The following PIGQ variants were observed in gnomAD, a reference collection of about 807,000 sequenced individuals.
PIGQ encodes phosphatidylinositol N-acetylglucosaminyltransferase subunit Q.
PIGQ carries 54 observed loss-of-function variants against 60.3 expected under a neutral mutation model. The ratio of observed to expected loss-of-function variants is 0.90; its 90% confidence interval spans 0.72 to 1.12. The LOEUF (loss-of-function observed/expected upper bound fraction) is 1.12, where lower values mean the gene tolerates loss of function less well. Among genes scored for constraint, PIGQ ranks in the 50% most tolerant of loss-of-function variants. PIGQ has a pLI of 0.00. For synonymous variants in PIGQ, 416 were observed against 363.7 expected (o/e 1.14, Z -1.64); for missense variants, 799 against 793.5 (o/e 1.01, Z -0.08).
chr16:578,745 G>A (rs1233928113), intron 5 of PIGQ, 40 bp from the exon 6 acceptor site: 1 of 1,601,534 alleles, frequency 6.2e-7, no homozygotes, highest in Admixed American at 1.7e-5. Context: ...CCGAGGGCTG[G>A]GGTCTGAGCG....
At position 581,095 on chromosome 16, in the gene PIGQ, GC is replaced by G. The variant is rs2035802928; in HGVS notation, c.1531+124del. ...CCAGCCTGGAAGCCGTGGTATGCATGCGCAAGCGGGCAGGGAGGACAGGGCC... is the reference window on the plus strand; with the variant it reads ...CCAGCCTGGAAGCCGTGGTATGCATGGCAAGCGGGCAGGGAGGACAGGGCC... On this transcript the variant is annotated intron_variant, in intron 9 of 10. Transcript: ENST00000321878. 13 of 1,375,744 alleles carry G rather than the reference GC, an allele frequency of 9.4e-6. No individual in the cohort carries two copies. In the South Asian group the frequency reaches 1.3e-4, roughly 13 times the overall value. 85.2% of individuals were successfully genotyped at this position (1,375,744 alleles called of 1,614,324 possible).
rs749848384 is a variant in PIGQ at position 580,936 on chromosome 16, C to T, written c.1495C>T (p.Leu499=). 1.9e-6 allele frequency: 3 copies of T among 1,610,972 alleles called. No individual in the cohort carries two copies. The East Asian group carries it at 6.7e-5, about 36-fold the overall frequency. ...CATCAACTCCCTGCCGCTGTACTCACTGGGTCTTCGGCTCTGCCGGCCCTA... is the reference window on the plus strand; with the variant it reads ...CATCAACTCCCTGCCGCTGTACTCATTGGGTCTTCGGCTCTGCCGGCCCTA... The part of the protein sequence containing the change: ...DLINSLPLYS[L]GLRLCRPYRL... The change falls in exon 9 of 11, where the codon CTG becomes TTG. Residue 499 remains leucine, a synonymous_variant. Coordinates refer to ENST00000321878, the MANE Select transcript of PIGQ (RefSeq NM_004204.5).
At position 578,888 on chromosome 16, in the gene PIGQ, T is replaced by C. The variant is rs772434140; in HGVS notation, c.1173T>C (p.Ile391=). ...LTVALSLLSD[I]IALLTFHIYC... ...TGGCCCTGTCCCTCCTCTCGGACAT[T>C]ATCGCCCTCCTCACCTTCCACATCT... Residue 391 remains isoleucine, a synonymous_variant, in exon 6 of 11, where the codon ATT becomes ATC. Transcript: ENST00000321878. 6.2e-7 allele frequency: 1 copy of C among 1,613,524 alleles called. No individual in the cohort carries two copies. Among genetic ancestry groups the C allele is most frequent in the Non-Finnish European group, 8.5e-7 (1 of 1,179,944 alleles).
intron 9 of PIGQ, chr16:581,261 C>T (rs1477015722): frequency 1.5e-6 from 2 of 1,374,802 alleles, no homozygotes; most frequent in Non-Finnish European, 1.9e-6. Flanking sequence ...ATTTTCTGGG[C>T]TTGGGAGTCT....
chr16:578,287 C>T (rs2035752075), intron 4 of PIGQ, 92 bp from the exon 5 acceptor site: 5 of 1,378,564 alleles, frequency 3.6e-6, no homozygotes, highest in Non-Finnish European at 3.9e-6. Flanking sequence ...GGAAGGCTGG[C>T]CAAGGTGGGA....
chr16:580,935 A>G lies in PIGQ; in HGVS notation c.1494A>G (p.Ser498=). 1 of 1,610,742 alleles carries G rather than the reference A, an allele frequency of 6.2e-7. No individual in the cohort carries two copies. The highest frequency in any genetic ancestry group is 1.7e-5 in the Admixed American group (1 of 60,020). ...TCATCAACTCCCTGCCGCTGTACTC[A>G]CTGGGTCTTCGGCTCTGCCGGCCCT... ...VDLINSLPLY[S]LGLRLCRPYR... is the part of the protein sequence containing the mutation. Residue 498 remains serine (S), a synonymous_variant, in exon 9 of 11, where the codon TCA becomes TCG. Coordinates refer to ENST00000321878, the MANE Select transcript of PIGQ (RefSeq NM_004204.5).
intron 9 of PIGQ, chr16:581,271 T>A: frequency 1.5e-6 from 2 of 1,359,754 alleles, no homozygotes; most frequent in Non-Finnish European, 1.9e-6. Flanking sequence ...CTTGGGAGTC[T>A]GAACTGCAGG....
At chr16:582,462 A>AC (rs779731879) in intron 10 of PIGQ, 153 bp downstream of exon 10, 99 of 605,160 alleles carry the variant, frequency 1.6e-4, no homozygotes, top group Admixed American at 3.8e-4. Flanking sequence ...CCCACGCGGG[A>AC]CCCCCTCCCC....
chr16:574,471 C>G lies in PIGQ; in HGVS notation c.397C>G (p.Gln133Glu). The G allele has an allele frequency of 6.2e-7, 1 of 1,610,564 alleles. No homozygotes were observed. Among genetic ancestry groups the G allele is most frequent in the Non-Finnish European group, 8.5e-7 (1 of 1,179,106 alleles). ...CCAGGTCATGCTCATCTTCTATGAC[C>G]AGCGCCAGGTGTTGCTGTCACAGCT... Reference protein sequence around the residue: ...EDQVMLIFYDQRQVLLSQLHL... With the variant: ...EDQVMLIFYDERQVLLSQLHL... Residue 133 changes from glutamine (Q) to glutamate (E), a missense_variant, in exon 2 of 11, where the codon CAG becomes GAG. Gln to Glu is a conservative substitution (Grantham distance 29). Transcript: ENST00000321878.
At chr16:578,966 G>A (rs769282876) in intron 6 of PIGQ, 28 bp downstream of exon 6, 32 of 1,397,716 alleles carry the variant, frequency 2.3e-5, no homozygotes, top group African/African-American at 1.1e-4. Flanking sequence ...CCTCCCCACC[G>A]CCCCCTGGGA....
intron 4 of PIGQ, 37 bp from the exon 5 acceptor site, chr16:578,342 C>T: frequency 3.2e-6 from 5 of 1,587,042 alleles, no homozygotes; most frequent in Non-Finnish European, 4.3e-6. Context: ...CTGAGCCTGG[C>T]TGCCCCCGCC....
chr16:579,016 G>GGGGGCGGGGGC (rs2035769512), intron 6 of PIGQ, 53 bp from the exon 7 acceptor site: 1 of 1,519,256 alleles, frequency 6.6e-7, no homozygotes, highest in African/African-American at 1.4e-5. Flanking sequence ...CGAGTGGGGC[G>GGGGGCGGGGGC]GGGGCGGGGC....
chr16:582,443 G>T, intron 10 of PIGQ, 134 bp downstream of exon 10: 1 of 673,902 alleles, frequency 1.5e-6, no homozygotes, highest in South Asian at 2.0e-5. Flanking sequence ...GTGGAGCTGA[G>T]GGGGAAGGCC....
At position 574,693 on chromosome 16, in the gene PIGQ, C is replaced by T. The variant is rs730882240; in HGVS notation, c.619C>T (p.Arg207Ter). The T allele has an allele frequency of 8.7e-6, 14 of 1,601,674 alleles. No homozygotes were observed. The highest frequency in any genetic ancestry group is 1.2e-5 in the Non-Finnish European group (14 of 1,178,008). The change falls in exon 2 of 11, where the codon CGA becomes TGA. Residue 207 changes from arginine (R) to a stop codon, truncating the protein, a stop_gained. Coordinates refer to ENST00000321878, the MANE Select transcript of PIGQ (RefSeq NM_004204.5). LOFTEE classifies it high-confidence loss of function. ...CAGCATCCTCGCGGAGCTGGCCAGG[C>T]GAGCCTCGGGACCCATTTGCCTGCT... ...EASILAELAR[R>*]ASGPICLLLA...
At chr16:581,350 C>T (rs1443355133) in intron 9 of PIGQ, 1 of 1,209,440 alleles carries the variant, frequency 8.3e-7, no homozygotes, top group Non-Finnish European at 1.1e-6. Context: ...CAGTAAGTGC[C>T]CCGTCCGCTG....
At position 583,153 on chromosome 16, in the gene PIGQ, C is replaced by T. The variant is rs200457195; in HGVS notation, c.*118C>T. ...GCTTTGTGGACGCTGCTGTGTGCTCCTGAACACGGCAGGCCCTGCTATCAC... is the reference window on the plus strand; with the variant it reads ...GCTTTGTGGACGCTGCTGTGTGCTCTTGAACACGGCAGGCCCTGCTATCAC... On this transcript the variant is annotated 3_prime_UTR_variant, in exon 11 of 11. Transcript: ENST00000321878. 3.0e-5 allele frequency: 48 copies of T among 1,613,320 alleles called. No individual in the cohort carries two copies. In the East Asian group the frequency reaches 1.0e-3, roughly 35 times the overall value.
chr16:576,840 C>T (rs746524703), intron 4 of PIGQ: 5 of 264,896 alleles, frequency 1.9e-5, no homozygotes, highest in Non-Finnish European at 3.5e-5. Flanking sequence ...TTCAGCTTCT[C>T]TGTCTTCCTC....
At position 571,669 on chromosome 16, in the gene PIGQ, C is replaced by T. The variant is rs553631099; in HGVS notation, c.-10+1573C>T. 2.0e-5 allele frequency among the ~76,000 whole-genome samples: 3 copies of T among 151,342 alleles called. No individual in the cohort carries two copies. In the South Asian group the frequency reaches 6.3e-4, roughly 32 times the overall value. ...TCTTTAAAGATGCTCACGTTGCTTT[C>T]TCCCGTCCCATACCTCCTCTGCTAT... On this transcript the variant is annotated intron_variant, in intron 1 of 10. Coordinates refer to ENST00000321878, the MANE Select transcript of PIGQ (RefSeq NM_004204.5).
intron 2 of PIGQ, among the ~76,000 whole-genome samples, chr16:575,147 C>T (rs1164096288): frequency 6.6e-6 from 1 of 152,196 alleles, no homozygotes. Context: ...CCTGCCTGTG[C>T]CCCCAGCAGG....
Sources: allele counts gnomAD v4.1 joint callset (sites outside exome capture counted in the v4.1 genomes callset), GRCh38; gene constraint gnomAD v4.1.1; transcripts MANE v1.5; gene names NCBI Gene and HGNC (gene_info 2026-07-23, HGNC 2026-07-21).